Variants in ZNF518A observed in about 807,000 individuals in gnomAD.
ZNF518A encodes zinc finger protein 518.
A neutral mutation model predicts 102.7 loss-of-function variants in ZNF518A; 47 were observed. That is an observed-to-expected ratio of 0.46 (90% CI 0.36 to 0.58). The LOEUF (loss-of-function observed/expected upper bound fraction) is 0.58, where lower values mean the gene tolerates loss of function less well. Ranked by LOEUF, ZNF518A falls within the 20% of genes least tolerant of loss-of-function variation. The pLI is 0.00. For missense variants in ZNF518A, 1,793 were observed against 1,699.8 expected (o/e 1.05, Z -0.96); for synonymous variants, 652 against 594.6 (o/e 1.10, Z -1.40).
At chr10:96,148,746 C>T (rs986618997) in intron 3 of ZNF518A, among the ~76,000 whole-genome samples, 3 of 152,198 alleles carry the variant, frequency 2.0e-5, no homozygotes, top group Non-Finnish European at 4.4e-5. Flanking sequence ...GACGGAGTCT[C>T]GCCCTGTCGC....
chr10:96,135,814 A>G (rs1180330766), intron 3 of ZNF518A, among the ~76,000 whole-genome samples: 3 of 152,228 alleles, frequency 2.0e-5, no homozygotes, highest in Non-Finnish European at 4.4e-5. Context: ...AGCAAACACA[A>G]CAGAAAAAAC....
chr10:96,160,454 T>G lies in ZNF518A; in HGVS notation c.4132T>G (p.Ser1378Ala), dbSNP rs782635721. The change falls in exon 6 of 6, where the codon TCA (serine) becomes GCA (alanine). Residue 1378 changes from serine to alanine, a missense_variant. Ser to Ala is a moderately conservative substitution (Grantham distance 99). This residue lies in a region of ZNF518A where 1,741 missense variants were observed against 1,622.6 expected (regional missense o/e 1.07). Coordinates refer to ENST00000316045, the MANE Select transcript of ZNF518A (RefSeq NM_001330736.2). Reference sequence around the variant, plus strand: ...ATTTAATGGACATGTACTTAAGGTTTCATTGTCAAAAAGAACTATAAATGC... The same window carrying G: ...ATTTAATGGACATGTACTTAAGGTTGCATTGTCAAAAAGAACTATAAATGC... ...AKFNGHVLKV[S>A]LSKRTINALL... 2 of 1,613,372 alleles carry G rather than the reference T, an allele frequency of 1.2e-6. No homozygotes were observed. The highest frequency in any genetic ancestry group is 1.7e-6 in the Non-Finnish European group (2 of 1,179,580).
chr10:96,183,115 G>A (rs1164970557), intron 1 of ZNF518A, among the ~76,000 whole-genome samples: 2 of 152,188 alleles, frequency 1.3e-5, no homozygotes, highest in African/African-American at 2.4e-5. Flanking sequence ...GTGTAGAGGT[G>A]TTTATAGTAT....
intron 3 of ZNF518A, among the ~76,000 whole-genome samples, chr10:96,147,901 C>A (rs1564755165): frequency 6.6e-6 from 1 of 152,078 alleles, no homozygotes; most frequent in Non-Finnish European, 1.5e-5. Flanking sequence ...TCTCTTCCTG[C>A]CCTCCTGTTA....
chr10:96,138,092 C>G (rs1176740190), intron 3 of ZNF518A, among the ~76,000 whole-genome samples: 1 of 152,074 alleles, frequency 6.6e-6, no homozygotes, highest in South Asian at 2.1e-4. Flanking sequence ...TCAATCTGAC[C>G]ATGCCTCATT....
At chr10:96,192,150 C>G in intron 1 of ZNF518A, 1 of 1,600,450 alleles carries the variant, frequency 6.2e-7, no homozygotes, top group East Asian at 2.2e-5. Context: ...ATTTGAGCTC[C>G]ACTCCTCCCA....
rs138276112 is a variant in ZNF518A at position 96,196,110 on chromosome 10, A to C, written n.36-7464A>C. On this transcript the variant is annotated intron_variant and non_coding_transcript_variant, in intron 1 of 2. Transcript: ENST00000442635. ...GGAATGGTGTACCTTTTTCTGAAGG[A>C]ATCTTGAAAGTAAATATTTCTTACC... 1.9e-3 allele frequency among the ~76,000 whole-genome samples: 289 copies of C among 152,342 alleles called. 4 individuals carry two copies. The South Asian group carries it at 0.031, about 16-fold the overall frequency.
At chr10:96,165,097 A>C (rs188409424), downstream of ZNF518A, among the ~76,000 whole-genome samples, 5 of 152,344 alleles carry the variant, frequency 3.3e-5, no homozygotes, top group East Asian at 9.6e-4. Context: ...AATTAACAGT[A>C]ATCAACTGGG....
chr10:96,160,250 G>A lies in ZNF518A; in HGVS notation c.3928G>A (p.Glu1310Lys), dbSNP rs782757528. The A allele has an allele frequency of 3.7e-6, 6 of 1,613,248 alleles. No individual in the cohort carries two copies. In the African/African-American group the frequency reaches 6.7e-5, roughly 18 times the overall value. Residue 1310 changes from glutamate to lysine, a missense_variant, in exon 6 of 6, where the codon GAA (glutamate) becomes AAA (lysine). Around this residue, in one of 3 missense-constraint regions of ZNF518A, gnomAD observed 1,741 missense variants for 1,622.6 expected, o/e 1.07. Coordinates refer to ENST00000316045, the MANE Select transcript of ZNF518A (RefSeq NM_001330736.2). ...AAAGGCAAAACCTGAAGATGTCCGT[G>A]AAACATTTGGATTTAGCAGACCTAG... ...KEKAKPEDVRETFGFSRPRLS... is the reference protein window; with the variant it reads ...KEKAKPEDVRKTFGFSRPRLS...
At chr10:96,176,883 C>T (rs917585967) in intron 1 of ZNF518A, among the ~76,000 whole-genome samples, 3 of 151,994 alleles carry the variant, frequency 2.0e-5, no homozygotes, top group East Asian at 1.9e-4. Context: ...GGTGACAGAG[C>T]GAGACTCTGT....
chr10:96,142,980 G>A (rs782791995), intron 3 of ZNF518A, among the ~76,000 whole-genome samples: 54 of 151,984 alleles, frequency 3.6e-4, no homozygotes, highest in African/African-American at 1.3e-3. Flanking sequence ...CTAACTTTTT[G>A]TATTTTTAGT....
Position 96,157,641 on chromosome 10 carries a change from A to G in ZNF518A, c.1319A>G (p.Tyr440Cys), listed in dbSNP as rs782107993. 1.9e-5 allele frequency: 30 copies of G among 1,613,776 alleles called. No homozygotes were observed. The highest frequency in any genetic ancestry group is 1.1e-5 in the South Asian group (1 of 91,080). The stretch of plus-strand genomic sequence containing the variant: ...AATAAACTAGCAGTTTCCCCTAACT[A>G]TAATGCTACGTTTATGGGCTTCAAG... ...KNNKLAVSPN[Y>C]NATFMGFKMM... Residue 440 changes from tyrosine (Y) to cysteine (C), a missense_variant, in exon 6 of 6, where the codon TAT (tyrosine) becomes TGT (cysteine). Tyr to Cys is a radical substitution (Grantham distance 194, BLOSUM62 -2). Around this residue, in one of 3 missense-constraint regions of ZNF518A, gnomAD observed 1,741 missense variants for 1,622.6 expected, o/e 1.07. Coordinates refer to ENST00000316045, the MANE Select transcript of ZNF518A (RefSeq NM_001330736.2).
chr10:96,160,137 C>T lies in ZNF518A; in HGVS notation c.3815C>T (p.Ser1272Phe). The change falls in exon 6 of 6, where the codon TCT (serine) becomes TTT (phenylalanine). Residue 1272 changes from serine (S) to phenylalanine (F), a missense_variant. Physicochemically the swap from Ser to Phe is radical, Grantham distance 155. Coordinates refer to ENST00000316045, the MANE Select transcript of ZNF518A (RefSeq NM_001330736.2). ...AAAGACTCTGAAACTGCCTTTGTAT[C>T]TAGAAACAGAAACTGTAAACGAAAG... ...GSKDSETAFV[S>F]RNRNCKRKCR... The T allele has an allele frequency of 6.2e-7, 1 of 1,609,936 alleles. No homozygotes were observed. Among genetic ancestry groups the T allele is most frequent in the Middle Eastern group, 1.7e-4 (1 of 6,050 alleles).
At position 96,157,294 on chromosome 10, in the gene ZNF518A, G is replaced by A; in HGVS notation, c.972G>A (p.Arg324=). 1 of 1,612,398 alleles carries A rather than the reference G, an allele frequency of 6.2e-7. No homozygotes were observed. The highest frequency in any genetic ancestry group is 8.5e-7 in the Non-Finnish European group (1 of 1,179,148). Residue 324 remains arginine, a synonymous_variant, in exon 6 of 6, where the codon AGG becomes AGA. Transcript: ENST00000316045. ...ILKRYKIGAS[R]KTFWKRKKIN... The stretch of plus-strand genomic sequence containing the variant: ...AAAGATATAAAATAGGTGCATCAAG[G>A]AAGACGTTCTGGAAACGTAAGAAAA...
At chr10:96,203,718 C>A (rs2083716687) in intron 2 of ZNF518A, 1 of 190,302 alleles carries the variant, frequency 5.3e-6, no homozygotes. Context: ...AACACTATAG[C>A]TGGTGCTTCC....
chr10:96,142,386 T>C (rs1223014050), intron 3 of ZNF518A, among the ~76,000 whole-genome samples: 3 of 150,988 alleles, frequency 2.0e-5, no homozygotes, highest in African/African-American at 4.9e-5. Flanking sequence ...AACCTTATAT[T>C]TTTCAGTAAG....
At chr10:96,189,698 A>AATC (rs150495829) in intron 1 of ZNF518A, 247,955 of 653,408 alleles carry the variant, frequency 0.38, 39,581 homozygotes, top group Middle Eastern at 0.47. Context: ...TCATCATCAA[A>AATC]ATCATCATCA....
Position 96,200,254 on chromosome 10 carries a change from A to G in ZNF518A, n.36-3320A>G. ...AAAGACCCATTTGCATTATCAAGAC[A>G]GGCCTCTACATTTACACCAATAATT... On this transcript the variant is annotated intron_variant and non_coding_transcript_variant, in intron 1 of 2. Transcript: ENST00000442635. This position sits in a 1 kb window ranked among gnomAD's most constrained non-coding sequence, Gnocchi z 4.3. 3.4e-6 allele frequency: 3 copies of G among 880,154 alleles called. No homozygotes were observed. The highest frequency in any genetic ancestry group is 2.5e-5 in the East Asian group (1 of 39,266). The allele number at this position is 880,154 out of a possible 1,614,324, so 54.5% of individuals were successfully genotyped here. A position where few individuals can be genotyped will look rare whatever the true frequency, so the allele number is the denominator to read the frequency against.
In ZNF518A at chr10:96,163,394, G is replaced by A. The variant is rs1236776075; in HGVS notation, c.*2620G>A. ...GTTCGAGGTTCTTATTACAATTGAA[G>A]AGTTAGTTTTAGTTTTGCAGTTGAA... On this transcript the variant is annotated 3_prime_UTR_variant, in exon 6 of 6. Transcript: ENST00000316045. 1 of 166,944 alleles carries A rather than the reference G, an allele frequency of 6.0e-6. No homozygotes were observed. The highest frequency in any genetic ancestry group is 1.9e-4 in the East Asian group (1 of 5,196). The allele number at this position is 166,944 out of a possible 1,614,324, so 10.3% of individuals were successfully genotyped here. A position where few individuals can be genotyped will look rare whatever the true frequency, so the allele number is the denominator to read the frequency against.
Sources: gnomAD v4.1 joint callset for allele counts (sites outside exome capture counted in the v4.1 genomes callset) on GRCh38, gnomAD v4.1.1 for gene constraint, gnomAD v4.1.1 regional missense constraint, Gnocchi (gnomAD v3.1) non-coding constraint, MANE v1.5 for transcripts, NCBI Gene and HGNC (gene_info 2026-07-23, HGNC 2026-07-21) for gene names.